The following GATB variants were observed in gnomAD, a reference collection of about 807,000 sequenced individuals.
GATB encodes the protein glutamyl-tRNA amidotransferase subunit B.
In GATB, 39 loss-of-function variants were observed where a neutral mutation model predicts 62.3. The observed-to-expected ratio is 0.63, with a 90% CI of 0.48 to 0.82. GATB has a LOEUF of 0.82. Among genes scored for constraint, GATB ranks in the 40% least tolerant of loss-of-function variants. The pLI, the probability that GATB is intolerant of heterozygous loss-of-function variation, is 0.00. For synonymous variants in GATB, 276 were observed against 258.9 expected (o/e 1.07, Z -0.63); for missense variants, 670 against 684.0 (o/e 0.98, Z 0.23).
Position 151,697,609 on chromosome 4 carries a change from TTTATA to T in GATB, c.1197+3715_1197+3719del, listed in dbSNP as rs530543299. On this transcript the variant is annotated intron_variant, in intron 9 of 12. Coordinates refer to ENST00000263985, the MANE Select transcript of GATB (RefSeq NM_004564.3). ...CAAAATTGCACTTGTAGCCCCTACA[TTTATA>T]TTATAATAAATTTTATAATCATAAA... Among the ~76,000 whole-genome samples, 1,442 of 151,078 alleles carry T rather than the reference TTTATA, an allele frequency of 9.5e-3. 10 individuals carry two copies. Among genetic ancestry groups the T allele is most frequent in the Middle Eastern group, 0.035 (10 of 288 alleles).
At chr4:151,725,888 A>G (rs1320307804) in intron 2 of GATB, among the ~76,000 whole-genome samples, 3 of 152,216 alleles carry the variant, frequency 2.0e-5, no homozygotes, top group Non-Finnish European at 4.4e-5. Context: ...TTTGCCCTCA[A>G]TTGGTGAGCC....
Position 151,730,076 on chromosome 4 carries a change from C to CA in GATB, c.328-10539dup, listed in dbSNP as rs995479545. Among the ~76,000 whole-genome samples the CA allele has an allele frequency of 2.0e-5, 3 of 152,142 alleles. No homozygotes were observed. The highest frequency in any genetic ancestry group is 7.2e-5 in the African/African-American group (3 of 41,434). On this transcript the variant is annotated intron_variant, in intron 2 of 12. Transcript: ENST00000263985. The surrounding 1 kb of genome is among the most constrained non-coding windows in gnomAD (Gnocchi z 4.1). ...GCCCCACCTGCCCTCTGCCTGGAAA[C>CA]AGACTCGGGGTGTGGTGGGAGTGAG...
At chr4:151,699,892 G>C (rs1162059138) in intron 9 of GATB, among the ~76,000 whole-genome samples, 1 of 152,162 alleles carries the variant, frequency 6.6e-6, no homozygotes, top group Non-Finnish European at 1.5e-5. Context: ...ACCTCAAAGG[G>C]TTGGCTTGGG....
chr4:151,730,063 C>T lies in GATB; in HGVS notation c.328-10525G>A, dbSNP rs1408436892. Reference sequence around the variant, plus strand: ...GGCAAGTTTTCAAGCCCCACCTGCCCTCTGCCTGGAAACAGACTCGGGGTG... The same window carrying T: ...GGCAAGTTTTCAAGCCCCACCTGCCTTCTGCCTGGAAACAGACTCGGGGTG... On this transcript the variant is annotated intron_variant, in intron 2 of 12. Transcript: ENST00000263985. This position sits in a 1 kb window ranked among gnomAD's most constrained non-coding sequence, Gnocchi z 4.1. 6.6e-6 allele frequency among the ~76,000 whole-genome samples: 1 copy of T among 152,198 alleles called. No individual in the cohort carries two copies. Among genetic ancestry groups the T allele is most frequent in the African/African-American group, 2.4e-5 (1 of 41,444 alleles).
chr4:151,732,074 C>T (rs1175370083), intron 2 of GATB, among the ~76,000 whole-genome samples: 6 of 140,606 alleles, frequency 4.3e-5, no homozygotes, highest in Admixed American at 1.4e-4. Flanking sequence ...AGCCCCCGCC[C>T]GGCCAGCCGC....
chr4:151,701,700 C>A (rs1738610863), intron 8 of GATB, among the ~76,000 whole-genome samples, 182 bp from the exon 9 acceptor site: 1 of 152,132 alleles, frequency 6.6e-6, no homozygotes, highest in East Asian at 1.9e-4. Flanking sequence ...GTCAAAACCT[C>A]CAAACCCACC....
At chr4:151,744,998 AC>A (rs1205704354) in intron 2 of GATB, among the ~76,000 whole-genome samples, 3 of 152,230 alleles carry the variant, frequency 2.0e-5, no homozygotes, top group African/African-American at 7.2e-5. Flanking sequence ...AATCCCTGCA[AC>A]ACCTCACTCT....
At chr4:151,707,510 C>CT (rs1006768337) in intron 6 of GATB, among the ~76,000 whole-genome samples, 1 of 152,094 alleles carries the variant, frequency 6.6e-6, no homozygotes, top group African/African-American at 2.4e-5. Flanking sequence ...CCCAGGTGGT[C>CT]TTGAACTCGT....
At position 151,679,885 on chromosome 4, in the gene GATB, G is replaced by A; in HGVS notation, c.1338C>T (p.Val446=). Residue 446 remains valine (V), a synonymous_variant, in exon 11 of 13, where the codon GTC becomes GTT. Coordinates refer to ENST00000263985, the MANE Select transcript of GATB (RefSeq NM_004564.3). ...GAAGCTCAGCGAGTGCAGAGGGTGTGACAGGACTGGTGGCCCCCAAAAGAG... is the reference window on the plus strand; with the variant it reads ...GAAGCTCAGCGAGTGCAGAGGGTGTAACAGGACTGGTGGCCCCCAAAAGAG... The part of the protein sequence containing the change: ...QQNLAVSESP[V]TPSALAELLD... The A allele has an allele frequency of 1.2e-6, 2 of 1,614,066 alleles. No homozygotes were observed. Among genetic ancestry groups the A allele is most frequent in the Non-Finnish European group, 1.7e-6 (2 of 1,179,974 alleles).
At chr4:151,734,651 T>A (rs529894950) in intron 2 of GATB, among the ~76,000 whole-genome samples, 55 of 151,920 alleles carry the variant, frequency 3.6e-4, no homozygotes, top group African/African-American at 1.3e-3. Context: ...AAGGAACAAA[T>A]CTGGAGGCAT....
intron 10 of GATB, among the ~76,000 whole-genome samples, chr4:151,686,457 G>A (rs937398460): frequency 1.2e-4 from 19 of 152,040 alleles, no homozygotes; most frequent in Middle Eastern, 3.4e-3. Context: ...TTCACTCCCC[G>A]GGATGCTGCT....
chr4:151,692,601 C>T (rs1169151681), intron 9 of GATB, among the ~76,000 whole-genome samples: 1 of 152,146 alleles, frequency 6.6e-6, no homozygotes, highest in African/African-American at 2.4e-5. Context: ...AAGACAGCTG[C>T]ACGCCCACTG....
intron 11 of GATB, among the ~76,000 whole-genome samples, chr4:151,678,323 T>G (rs1414651206): frequency 6.6e-6 from 1 of 152,218 alleles, no homozygotes; most frequent in Non-Finnish European, 1.5e-5. Context: ...TTACTGGAAC[T>G]ATCTTATTCA....
chr4:151,673,630 T>A (rs75472101), intron 11 of GATB: 2 of 152,142 alleles, frequency 1.3e-5, no homozygotes. Context: ...ATTTTTTTTT[T>A]ACTTAAAAAA....
chr4:151,692,542 G>A (rs971037848), intron 9 of GATB, among the ~76,000 whole-genome samples: 1 of 152,176 alleles, frequency 6.6e-6, no homozygotes, highest in Non-Finnish European at 1.5e-5. Context: ...CCTAGGCCAC[G>A]TGGCATTCAG....
intron 12 of GATB, among the ~76,000 whole-genome samples, chr4:151,672,132 A>G (rs1737883125): frequency 6.6e-6 from 1 of 152,038 alleles, no homozygotes; most frequent in South Asian, 2.1e-4. Context: ...GATGCCGACA[A>G]TTTTTTTCCC....
At chr4:151,751,721 T>A (rs2126998855) in intron 2 of GATB, among the ~76,000 whole-genome samples, 1 of 152,368 alleles carries the variant, frequency 6.6e-6, no homozygotes, top group Non-Finnish European at 1.5e-5. Context: ...ATGATTACAT[T>A]TCCTTTCTTG....
At chr4:151,698,190 A>G (rs1469099618) in intron 9 of GATB, among the ~76,000 whole-genome samples, 3 of 151,650 alleles carry the variant, frequency 2.0e-5, no homozygotes, top group Non-Finnish European at 4.4e-5. Context: ...ATAACATCCC[A>G]TTCACTCACC....
At chr4:151,686,048 G>T (rs1738237662) in intron 10 of GATB, among the ~76,000 whole-genome samples, 2 of 142,554 alleles carry the variant, frequency 1.4e-5, no homozygotes, top group South Asian at 5.0e-4. Flanking sequence ...GCGAGACTCT[G>T]TCTAAAAAAC....
Sources: gnomAD v4.1 joint callset for allele counts (sites outside exome capture counted in the v4.1 genomes callset) on GRCh38, gnomAD v4.1.1 for gene constraint, Gnocchi (gnomAD v3.1) non-coding constraint, MANE v1.5 for transcripts, NCBI Gene and HGNC (gene_info 2026-07-23, HGNC 2026-07-21) for gene names.